Variants in CDH13 observed in about 807,000 individuals in gnomAD.
CDH13 encodes the protein cadherin 13.
A neutral mutation model predicts 63.8 loss-of-function variants in CDH13; 24 were observed. That is an observed-to-expected ratio of 0.38 (90% CI 0.27 to 0.53). CDH13 has a LOEUF of 0.53. Ranked by LOEUF, CDH13 falls within the 20% of genes least tolerant of loss-of-function variation. CDH13 has a pLI of 0.85. For missense variants in CDH13, 1,049 were observed against 903.1 expected, an observed-to-expected ratio of 1.16 and a Z score of -2.07; for synonymous variants, 503 against 355.3, an observed-to-expected ratio of 1.42 and a Z score of -4.67.
chr16:83,498,437 C>G (rs1483584359), intron 7 of CDH13, among the ~76,000 whole-genome samples: 1 of 152,196 alleles, frequency 6.6e-6, no homozygotes, highest in Non-Finnish European at 1.5e-5. Context: ...TTTCTTCCAC[C>G]TCTCATTGCC....
chr16:83,513,383 G>A (rs1341879301), intron 7 of CDH13, among the ~76,000 whole-genome samples: 2 of 151,974 alleles, frequency 1.3e-5, no homozygotes, highest in African/African-American at 2.4e-5. Flanking sequence ...GTGATCGTGG[G>A]CCTGGAAAAC....
intron 2 of CDH13, among the ~76,000 whole-genome samples, chr16:82,961,147 A>C (rs1375201740): frequency 6.6e-6 from 1 of 152,186 alleles, no homozygotes; most frequent in Non-Finnish European, 1.5e-5. Context: ...AATCCGACTC[A>C]GGCTTCATCC....
intron 1 of CDH13, among the ~76,000 whole-genome samples, chr16:82,742,037 A>T (rs902462596): frequency 6.6e-6 from 1 of 152,204 alleles, no homozygotes; most frequent in African/African-American, 2.4e-5. Context: ...AATTTCTTAC[A>T]ATATCAGCCC....
intron 1 of CDH13, among the ~76,000 whole-genome samples, chr16:82,646,967 A>G (rs1910169946): frequency 6.6e-6 from 1 of 152,164 alleles, no homozygotes; most frequent in Non-Finnish European, 1.5e-5. Flanking sequence ...GAAAGATGAC[A>G]GTTGTTAATA....
chr16:83,618,024 C>T lies in CDH13; in HGVS notation c.1101+15430C>T, dbSNP rs74739804. Among the ~76,000 whole-genome samples, 995 of 152,262 alleles carry T rather than the reference C, an allele frequency of 6.5e-3. 8 individuals are homozygous for T. The highest frequency in any genetic ancestry group is 0.048 in the Middle Eastern group (14 of 294). ...TCTGTTTTGTCATCTGCTGTGGTCC[C>T]GCACCCAGCCTGCCGTGTAGTGCAT... On this transcript the variant is annotated intron_variant, in intron 8 of 13. Coordinates refer to ENST00000567109, the MANE Select transcript of CDH13 (RefSeq NM_001257.5).
At chr16:83,037,200 C>G (rs1916938702) in intron 3 of CDH13, among the ~76,000 whole-genome samples, 1 of 152,194 alleles carries the variant, frequency 6.6e-6, no homozygotes, top group African/African-American at 2.4e-5. Flanking sequence ...GGTCATGCAT[C>G]TTAGTCTATG....
chr16:83,032,265 T>C, intron 3 of CDH13, 47 bp downstream of exon 3: 1 of 1,467,458 alleles, frequency 6.8e-7, no homozygotes, highest in East Asian at 2.3e-5. Context: ...GGACATTAGG[T>C]TCTGTCTGTC....
intron 2 of CDH13, among the ~76,000 whole-genome samples, chr16:82,903,427 T>G (rs1369303935): frequency 6.6e-6 from 1 of 152,190 alleles, no homozygotes; most frequent in South Asian, 2.1e-4. Flanking sequence ...TGCTCACACA[T>G]AAGTGGGAGC....
intron 6 of CDH13, among the ~76,000 whole-genome samples, chr16:83,475,008 T>C (rs886814943): frequency 1.3e-5 from 2 of 152,254 alleles, no homozygotes; most frequent in African/African-American, 4.8e-5. Flanking sequence ...AGTGTCCAGG[T>C]GACCCCCTGT....
At chr16:82,717,978 C>T (rs144659194) in intron 1 of CDH13, among the ~76,000 whole-genome samples, 1 of 152,270 alleles carries the variant, frequency 6.6e-6, no homozygotes, top group African/African-American at 2.4e-5. Context: ...GAGACCTGAC[C>T]CATTCTGTGT....
chr16:83,362,502 C>T (rs2091181300), intron 6 of CDH13, among the ~76,000 whole-genome samples: 2 of 152,350 alleles, frequency 1.3e-5, no homozygotes, highest in African/African-American at 4.8e-5. Context: ...CATCATGGCT[C>T]ACCTCATAGG....
In CDH13 at chr16:82,634,821, C is replaced by A. The variant is rs377767091; in HGVS notation, c.45+7684C>A. Among the ~76,000 whole-genome samples, 13 of 152,322 alleles carry A rather than the reference C, an allele frequency of 8.5e-5. No homozygotes were observed. In the East Asian group the frequency reaches 1.2e-3, roughly 14 times the overall value. On this transcript the variant is annotated intron_variant, in intron 1 of 13. Coordinates refer to ENST00000567109, the MANE Select transcript of CDH13 (RefSeq NM_001257.5). ...GGGACTTTTCCTCCTAGGCCCCAAG[C>A]ACTTGAGCAACTTGACTTCAGGGAG...
At chr16:83,225,271 G>A (rs557119695) in intron 5 of CDH13, among the ~76,000 whole-genome samples, 50 of 152,272 alleles carry the variant, frequency 3.3e-4, no homozygotes, top group African/African-American at 8.7e-4. Flanking sequence ...AACCTGTTTC[G>A]TTACAGTTCT....
intron 1 of CDH13, among the ~76,000 whole-genome samples, chr16:82,717,550 A>G (rs1013161584): frequency 6.6e-6 from 1 of 151,198 alleles, no homozygotes; most frequent in Admixed American, 6.6e-5. Context: ...AGGAGATTCC[A>G]TTGCTGGACT....
intron 1 of CDH13, among the ~76,000 whole-genome samples, chr16:82,848,776 T>G (rs1416405196): frequency 6.6e-6 from 1 of 152,190 alleles, no homozygotes. Flanking sequence ...TTTCTTTGCC[T>G]CTAAGTGTTC....
At chr16:82,789,603 G>C (rs55844042) in intron 1 of CDH13, among the ~76,000 whole-genome samples, 37,647 of 152,172 alleles carry the variant, frequency 0.25, 5,802 homozygotes, top group South Asian at 0.4. Context: ...CAAATGGGAG[G>C]TCCATTGGGC....
rs573661645 is a variant in CDH13 at position 82,926,430 on chromosome 16, A to C, written c.157+67957A>C. On this transcript the variant is annotated intron_variant, in intron 2 of 13. Transcript: ENST00000567109. ...ATCCTGAGTTGGAACACTGATTTGC[A>C]TTATAAACCTTGCCCTGAACAATTC... is the stretch of plus-strand genomic sequence containing the variant. Among the ~76,000 whole-genome samples the C allele has an allele frequency of 9.1e-4, 139 of 152,346 alleles. 1 individual carries two copies. The highest frequency in any genetic ancestry group is 3.3e-3 in the Admixed American group (50 of 15,306).
At chr16:82,848,569 AT>A (rs1367116394) in intron 1 of CDH13, among the ~76,000 whole-genome samples, 132 of 121,422 alleles carry the variant, frequency 1.1e-3, no homozygotes, top group East Asian at 3.7e-3. Flanking sequence ...TACTATTGTG[AT>A]TTTTTTTTTT....
chr16:83,239,311 C>T (rs1231545748), intron 5 of CDH13, among the ~76,000 whole-genome samples: 4 of 152,268 alleles, frequency 2.6e-5, no homozygotes, highest in East Asian at 1.9e-4. Context: ...AGTGATCTAC[C>T]GCCTGGGCAC....
Sources: gnomAD v4.1 joint callset for allele counts (sites outside exome capture counted in the v4.1 genomes callset) on GRCh38, gnomAD v4.1.1 for gene constraint, MANE v1.5 for transcripts, NCBI Gene and HGNC (gene_info 2026-07-23, HGNC 2026-07-21) for gene names.